C6orf132: variants seen among roughly 807,000 people sequenced by gnomAD.
C6orf132 encodes the protein chromosome 6 open reading frame 132, also known as uncharacterized protein C6orf132.
In C6orf132, 43 loss-of-function variants were observed where a neutral mutation model predicts 65.3. That is an observed-to-expected ratio of 0.66 (90% CI 0.52 to 0.85). The LOEUF is 0.85. C6orf132 is among the 40% of genes least tolerant of loss of function. The pLI is 0.00. For synonymous variants in C6orf132, 631 were observed against 654.1 expected (o/e 0.96, Z 0.54); for missense variants, 1,488 against 1,548.8 (o/e 0.96, Z 0.66).
chr6:42,123,984 C>G (rs1183890275), intron 2 of C6orf132, among the ~76,000 whole-genome samples: 1 of 152,206 alleles, frequency 6.6e-6, no homozygotes, highest in Non-Finnish European at 1.5e-5. Flanking sequence ...TAGGGCCTGG[C>G]TTCTCCGGTG....
rs1425840439 is a variant in C6orf132 at position 42,120,467 on chromosome 6, C to T, written c.252+8205G>A. Among the ~76,000 whole-genome samples the T allele has an allele frequency of 6.6e-5, 10 of 151,202 alleles. No individual in the cohort carries two copies. The East Asian group carries it at 1.4e-3, about 21-fold the overall frequency. Reference sequence around the variant, plus strand: ...TTCACCGTGTTAGCCAGGATGGTCTCGATCTCCTGACCTCATGATCCGCCC... The same window carrying T: ...TTCACCGTGTTAGCCAGGATGGTCTTGATCTCCTGACCTCATGATCCGCCC... On this transcript the variant is annotated intron_variant, in intron 2 of 4. Transcript: ENST00000341865.
At chr6:42,135,891 C>T (rs977561229) in intron 1 of C6orf132, among the ~76,000 whole-genome samples, 3 of 152,094 alleles carry the variant, frequency 2.0e-5, no homozygotes, top group Non-Finnish European at 4.4e-5. Flanking sequence ...GGATTCCAGG[C>T]CAGGCAACAT....
At chr6:42,108,720 G>A (rs1002102833) in intron 3 of C6orf132, among the ~76,000 whole-genome samples, 2 of 152,086 alleles carry the variant, frequency 1.3e-5, no homozygotes, top group African/African-American at 2.4e-5. Context: ...CCCCAGCAGC[G>A]CACATCCCTC....
rs751950327 is a variant in C6orf132, at chr6:42,124,495, T to C, written c.252+4177A>G. Among the ~76,000 whole-genome samples, 6 of 152,158 alleles carry C rather than the reference T, an allele frequency of 3.9e-5. No individual in the cohort carries two copies. The highest frequency in any genetic ancestry group is 8.8e-5 in the Non-Finnish European group (6 of 68,004). ...TCGAGGGGCCTGTCACCTGACTTCT[T>C]GGGCACTGCTACCTCGTACCTCCCC... On this transcript the variant is annotated intron_variant, in intron 2 of 4. Coordinates refer to ENST00000341865, the MANE Select transcript of C6orf132 (RefSeq NM_001164446.3). This position sits in a 1 kb window ranked among gnomAD's most constrained non-coding sequence, Gnocchi z 4.0.
intron 2 of C6orf132, among the ~76,000 whole-genome samples, chr6:42,123,208 C>G (rs577769086): frequency 6.6e-6 from 1 of 151,934 alleles, no homozygotes; most frequent in African/African-American, 2.4e-5. Flanking sequence ...ACAGTGAAAA[C>G]CTGTCTCTAC....
chr6:42,111,720 C>T (rs1323344006), intron 2 of C6orf132, among the ~76,000 whole-genome samples: 1 of 152,220 alleles, frequency 6.6e-6, no homozygotes, highest in African/African-American at 2.4e-5. Context: ...CCACTGTTCC[C>T]AGCCTGAACT....
In C6orf132 at chr6:42,129,695, A is replaced by G. The variant is rs139261715; in HGVS notation, c.146-917T>C. ...CTCATGACCCTTGATACACACTGAC[A>G]AGAAATTCACACTCCCTTGGCAGGG... On this transcript the variant is annotated intron_variant, in intron 1 of 4. Coordinates refer to ENST00000341865, the MANE Select transcript of C6orf132 (RefSeq NM_001164446.3). Among the ~76,000 whole-genome samples the G allele has an allele frequency of 1.5e-3, 236 of 152,302 alleles. 3 individuals are homozygous for G. The highest frequency in any genetic ancestry group is 6.8e-3 in the Middle Eastern group (2 of 294).
chr6:42,112,736 T>G (rs1346888323), intron 2 of C6orf132, among the ~76,000 whole-genome samples: 1 of 152,210 alleles, frequency 6.6e-6, no homozygotes, highest in African/African-American at 2.4e-5. Context: ...AGGGACCATG[T>G]CTTATGGTAT....
chr6:42,125,016 A>G (rs1335563044), intron 2 of C6orf132, among the ~76,000 whole-genome samples: 1 of 152,102 alleles, frequency 6.6e-6, no homozygotes, highest in Non-Finnish European at 1.5e-5. Flanking sequence ...TGTAAGCAAA[A>G]CTAGATGTAT....
rs138786361 is a variant in C6orf132 at position 42,136,952 on chromosome 6, G to T, written c.145+5348C>A. Among the ~76,000 whole-genome samples, 19 of 152,288 alleles carry T rather than the reference G, an allele frequency of 1.2e-4. No homozygotes were observed. The East Asian group carries it at 3.5e-3, about 28-fold the overall frequency. On this transcript the variant is annotated intron_variant, in intron 1 of 4. Coordinates refer to ENST00000341865, the MANE Select transcript of C6orf132 (RefSeq NM_001164446.3). ...AGTGAACAGGGCCCTCGGCTTCCAA[G>T]CTAGGACTCGCCACTCAGTGTGCAG...
chr6:42,107,712 C>T, intron 3 of C6orf132, 129 bp from the exon 4 acceptor site: 2 of 1,146,564 alleles, frequency 1.7e-6, no homozygotes, highest in Non-Finnish European at 2.5e-6. Context: ...TCCTGAACAC[C>T]AAGAGAGGGA....
chr6:42,113,472 T>C (rs1289764065), intron 2 of C6orf132, among the ~76,000 whole-genome samples: 2 of 152,206 alleles, frequency 1.3e-5, no homozygotes, highest in African/African-American at 4.8e-5. Flanking sequence ...AACCTAGGCT[T>C]TCCACCTTAC....
At chr6:42,140,459 C>T (rs762614765) in intron 1 of C6orf132, among the ~76,000 whole-genome samples, 2 of 152,226 alleles carry the variant, frequency 1.3e-5, no homozygotes, top group Non-Finnish European at 2.9e-5. Context: ...CTTGGATCGC[C>T]TTCCTCTGCA....
At chr6:42,134,133 C>T (rs545557517) in intron 1 of C6orf132, among the ~76,000 whole-genome samples, 6 of 152,086 alleles carry the variant, frequency 3.9e-5, no homozygotes, top group Non-Finnish European at 8.8e-5. Context: ...TCGAACAGCT[C>T]CTGGCTGGGA....
intron 2 of C6orf132, among the ~76,000 whole-genome samples, chr6:42,115,303 AAAAG>A (rs1766549075): frequency 6.6e-6 from 1 of 150,590 alleles, no homozygotes; most frequent in African/African-American, 2.4e-5. Flanking sequence ...AAAAAAAAAA[AAAAG>A]AAAAGAAAAA....
Position 42,104,447 on chromosome 6 carries a change from C to A in C6orf132, c.3449+16G>T, listed in dbSNP as rs1010716999. The A allele has an allele frequency of 1.7e-5, 21 of 1,230,368 alleles. No individual in the cohort carries two copies. Among genetic ancestry groups the A allele is most frequent in the Non-Finnish European group, 1.9e-5 (19 of 987,306 alleles). 76.2% of individuals were successfully genotyped at this position (1,230,368 alleles called of 1,614,324 possible). A position where few individuals can be genotyped will look rare whatever the true frequency, so the allele number is the denominator to read the frequency against. On this transcript the variant is annotated intron_variant, in intron 4 of 4. Coordinates refer to ENST00000341865, the MANE Select transcript of C6orf132 (RefSeq NM_001164446.3). The surrounding 1 kb of genome is among the most constrained non-coding windows in gnomAD (Gnocchi z 4.1). ...ACCCCTCCTGGCTTCCCGCACCAGCCGGGCCCGCAGCTCACCTGCCGGCAG... is the reference window on the plus strand; with the variant it reads ...ACCCCTCCTGGCTTCCCGCACCAGCAGGGCCCGCAGCTCACCTGCCGGCAG...
chr6:42,131,123 T>A (rs1216008780), intron 1 of C6orf132, among the ~76,000 whole-genome samples: 1 of 152,158 alleles, frequency 6.6e-6, no homozygotes, highest in Non-Finnish European at 1.5e-5. Context: ...TGAACTCAGG[T>A]GATCTACCCA....
Position 42,105,788 on chromosome 6 carries a change from C to G in C6orf132, c.2124G>C (p.Glu708Asp). 1 of 1,537,320 alleles carries G rather than the reference C, an allele frequency of 6.5e-7. No homozygotes were observed. The highest frequency in any genetic ancestry group is 8.7e-7 in the Non-Finnish European group (1 of 1,146,916). ...GCTGGCCAGCTGGGCCTGAGTCCTT[C>G]TCTGCCATCAGTTGGGATGTGGTGG... is the stretch of plus-strand genomic sequence containing the variant. ...LPTTTSQLMA[E>D]KDSGPAGQPE... The change falls in exon 4 of 5, where the codon GAG (glutamate) becomes GAC (aspartate). Residue 708 changes from glutamate (E) to aspartate (D), a missense_variant. By Grantham distance (45) the Glu-to-Asp change is conservative. Coordinates refer to ENST00000341865, the MANE Select transcript of C6orf132 (RefSeq NM_001164446.3).
intron 1 of C6orf132, among the ~76,000 whole-genome samples, chr6:42,133,719 ACCAAATTTCCCC>A (rs1052775622): frequency 1.1e-4 from 17 of 151,892 alleles, no homozygotes; most frequent in Admixed American, 3.3e-4. Flanking sequence ...CTTTAAATGA[ACCAAATTTCCCC>A]CCAAATGGAA....
Sources: gnomAD v4.1 joint callset for allele counts (sites outside exome capture counted in the v4.1 genomes callset) on GRCh38, gnomAD v4.1.1 for gene constraint, Gnocchi (gnomAD v3.1) non-coding constraint, MANE v1.5 for transcripts, NCBI Gene and HGNC (gene_info 2026-07-23, HGNC 2026-07-21) for gene names.